Variants in DCC observed in about 807,000 individuals in gnomAD.
DCC encodes the protein DCC netrin 1 receptor.
In DCC, 58 loss-of-function variants were observed where a neutral mutation model predicts 172.5. That is an observed-to-expected ratio of 0.34 (90% CI 0.27 to 0.42). The LOEUF (loss-of-function observed/expected upper bound fraction) is 0.42, where lower values mean the gene tolerates loss of function less well. Among genes scored for constraint, DCC ranks in the 10% least tolerant of loss-of-function variants. The pLI is 1.00. For missense variants in DCC, 1,740 were observed against 1,791.0 expected, an observed-to-expected ratio of 0.97 and a Z score of 0.51; for synonymous variants, 709 against 644.5, an observed-to-expected ratio of 1.10 and a Z score of -1.52.
intron 1 of DCC, among the ~76,000 whole-genome samples, chr18:52,749,938 G>A (rs924566492): frequency 2.6e-5 from 4 of 152,098 alleles, no homozygotes; most frequent in Admixed American, 6.6e-5. Context: ...TTACTCTAGC[G>A]AAATATCTTG....
intron 9 of DCC, among the ~76,000 whole-genome samples, chr18:53,200,920 A>T (rs1435326753): frequency 6.6e-6 from 1 of 151,650 alleles, no homozygotes; most frequent in South Asian, 2.1e-4. Flanking sequence ...ACCTCAGAAA[A>T]CTCTGAGTGA....
intron 1 of DCC, among the ~76,000 whole-genome samples, chr18:52,673,281 T>A (rs2144974184): frequency 1.3e-5 from 2 of 152,314 alleles, no homozygotes; most frequent in South Asian, 4.1e-4. Context: ...TCAAATTGAA[T>A]CTAGAATGTC....
chr18:52,905,373 A>G (rs994342038), intron 2 of DCC, among the ~76,000 whole-genome samples: 1 of 152,202 alleles, frequency 6.6e-6, no homozygotes. Context: ...CAAAGTATTC[A>G]TATGTAATAG....
At chr18:53,255,209 T>G (rs2056490316) in intron 12 of DCC, among the ~76,000 whole-genome samples, 1 of 151,856 alleles carries the variant, frequency 6.6e-6, no homozygotes. Context: ...GGAGGTTTTT[T>G]GTTTTTTTTT....
intron 1 of DCC, among the ~76,000 whole-genome samples, chr18:52,702,019 T>G (rs558203337): frequency 1.3e-4 from 20 of 152,296 alleles, no homozygotes; most frequent in Non-Finnish European, 2.4e-4. Flanking sequence ...ATACACCCAT[T>G]CTGTATGGTA....
chr18:53,023,226 A>C (rs924411421), intron 5 of DCC, among the ~76,000 whole-genome samples: 1 of 151,746 alleles, frequency 6.6e-6, no homozygotes, highest in Non-Finnish European at 1.5e-5. Context: ...TTTAAGAAAT[A>C]ATTTCAAGAT....
chr18:53,522,301 G>A (rs1454907655), intron 27 of DCC, among the ~76,000 whole-genome samples: 1 of 151,876 alleles, frequency 6.6e-6, no homozygotes, highest in Non-Finnish European at 1.5e-5. Flanking sequence ...AAAATGGTGT[G>A]TGAGTAGAGG....
intron 12 of DCC, among the ~76,000 whole-genome samples, chr18:53,228,728 C>G (rs1019181292): frequency 2.6e-5 from 4 of 152,004 alleles, no homozygotes; most frequent in African/African-American, 9.7e-5. Flanking sequence ...GAAGCTGAAC[C>G]TTGGAGAAAG....
At chr18:53,008,106 T>A (rs2041672432) in intron 5 of DCC, among the ~76,000 whole-genome samples, 2 of 152,186 alleles carry the variant, frequency 1.3e-5, no homozygotes, top group East Asian at 1.9e-4. Flanking sequence ...CACATAGACA[T>A]ATTTTTAGGA....
At chr18:53,059,857 C>G (rs2042469357) in intron 5 of DCC, among the ~76,000 whole-genome samples, 1 of 152,018 alleles carries the variant, frequency 6.6e-6, no homozygotes, top group Non-Finnish European at 1.5e-5. Context: ...AGTAGCAAAT[C>G]TTTGTTGAGC....
At chr18:53,180,756 A>G (rs913160633) in intron 9 of DCC, among the ~76,000 whole-genome samples, 1 of 152,056 alleles carries the variant, frequency 6.6e-6, no homozygotes, top group Non-Finnish European at 1.5e-5. Flanking sequence ...CTCCGCCTCC[A>G]AGGTTCAAGC....
At chr18:52,929,138 T>C (rs1462522440) in intron 5 of DCC, among the ~76,000 whole-genome samples, 3 of 152,064 alleles carry the variant, frequency 2.0e-5, no homozygotes, top group Non-Finnish European at 4.4e-5. Flanking sequence ...AATATCAGTA[T>C]TGAGGCAGAA....
At chr18:53,469,819 T>C (rs953046542) in intron 25 of DCC, among the ~76,000 whole-genome samples, 1 of 152,198 alleles carries the variant, frequency 6.6e-6, no homozygotes, top group African/African-American at 2.4e-5. Flanking sequence ...CTAAGCTTTC[T>C]TATTAGTTTT....
At chr18:52,723,510 GC>G (rs1228833206) in intron 1 of DCC, among the ~76,000 whole-genome samples, 3 of 152,230 alleles carry the variant, frequency 2.0e-5, no homozygotes, top group East Asian at 3.9e-4. Context: ...TTTGGCTTCA[GC>G]CGTCCCTCAG....
At position 53,353,451 on chromosome 18, in the gene DCC, C is replaced by T. The variant is rs141869958; in HGVS notation, c.2359+13544C>T. Among the ~76,000 whole-genome samples the T allele has an allele frequency of 3.0e-3, 454 of 151,904 alleles. 4 individuals are homozygous for T. Among genetic ancestry groups the T allele is most frequent in the Middle Eastern group, 3.4e-3 (1 of 294 alleles). ...TATCCTTTAAAGGTTAAAAAAATAA[C>T]GTATTGTCTAACTACACAGTTAGCA... is the stretch of plus-strand genomic sequence containing the variant. On this transcript the variant is annotated intron_variant, in intron 15 of 28. Coordinates refer to ENST00000442544, the MANE Select transcript of DCC (RefSeq NM_005215.4).
intron 15 of DCC, among the ~76,000 whole-genome samples, chr18:53,382,104 A>ACACACACACACACAC (rs770734401): frequency 1.1e-3 from 56 of 52,948 alleles, no homozygotes; most frequent in African/African-American, 2.2e-3. Flanking sequence ...ACACACACAC[A>ACACACACACACACAC]CCCCTACCTC....
intron 15 of DCC, among the ~76,000 whole-genome samples, chr18:53,373,167 T>C (rs1479689589): frequency 6.6e-6 from 1 of 152,152 alleles, no homozygotes; most frequent in Non-Finnish European, 1.5e-5. Context: ...AAAATACAAA[T>C]ATACACCAGT....
intron 5 of DCC, among the ~76,000 whole-genome samples, chr18:52,968,972 T>C (rs2040979476): frequency 6.6e-6 from 1 of 152,122 alleles, no homozygotes; most frequent in Non-Finnish European, 1.5e-5. Flanking sequence ...ACCTCTCACA[T>C]TCTCTCTCCC....
intron 1 of DCC, among the ~76,000 whole-genome samples, chr18:52,579,534 GTA>G (rs1410031846): frequency 2.6e-5 from 4 of 152,268 alleles, no homozygotes; most frequent in South Asian, 2.1e-4. Context: ...AAGTGTGTGT[GTA>G]TGTGTGTGTG....
Sources: allele counts gnomAD v4.1 joint callset (sites outside exome capture counted in the v4.1 genomes callset), GRCh38; gene constraint gnomAD v4.1.1; transcripts MANE v1.5; gene names NCBI Gene and HGNC (gene_info 2026-07-23, HGNC 2026-07-21).